Variants in KRABD1 observed in about 807,000 individuals in gnomAD.
KRABD1 encodes the protein KRAB domain-containing protein 1.
At chr3:42,937,771 C>T in the KRABD1 span, 1 of 152,216 alleles carries the variant, frequency 6.6e-6, no homozygotes, top group African/African-American at 2.4e-5. Context: ...CCTTCAGCTT[C>T]CTCTACCTTC....
At chr3:42,938,328 T>G in the KRABD1 span, 3 of 152,246 alleles carry the variant, frequency 2.0e-5, no homozygotes, top group African/African-American at 7.2e-5. Context: ...TTCTGATAAC[T>G]ATTTTCAAAG....
chr3:42,936,913 G>T, the KRABD1 span: 1 of 152,058 alleles, frequency 6.6e-6, no homozygotes, highest in Non-Finnish European at 1.5e-5. Context: ...TGTTACTGTC[G>T]TAGAGCAACC....
chr3:42,938,600 A>G, the KRABD1 span: 1 of 297,158 alleles, frequency 3.4e-6, no homozygotes, highest in South Asian at 5.6e-5. Flanking sequence ...CTGTCCTGTG[A>G]TGTATTCTAT....
the KRABD1 span, chr3:42,939,076 A>G: frequency 1.8e-6 from 1 of 567,148 alleles, no homozygotes; most frequent in Non-Finnish European, 3.0e-6. Flanking sequence ...ACACACACAC[A>G]TTTCTCATTG....
the KRABD1 span, chr3:42,938,833 T>C: frequency 1.0e-5 from 13 of 1,244,646 alleles, no homozygotes; most frequent in Middle Eastern, 5.6e-4. Context: ...GTTAATGTTT[T>C]TTTTCTTTAC....
the KRABD1 span, among the ~76,000 whole-genome samples, chr3:42,940,069 C>T: frequency 7.2e-5 from 11 of 152,184 alleles, no homozygotes; most frequent in African/African-American, 2.7e-4. Flanking sequence ...ACTCAGACAT[C>T]ATCAAGATGT....
chr3:42,941,137 T>C, the KRABD1 span: 1 of 1,297,298 alleles, frequency 7.7e-7, no homozygotes. Flanking sequence ...TACGTATCAT[T>C]TGTAGATGCC....
the KRABD1 span, chr3:42,936,559 G>GC: frequency 2.0e-5 from 3 of 152,308 alleles, no homozygotes; most frequent in Non-Finnish European, 4.4e-5. Flanking sequence ...GCTCTGTAGC[G>GC]TCGAGATGCG....
chr3:42,942,014 T>C, the KRABD1 span: 1 of 1,535,998 alleles, frequency 6.5e-7, no homozygotes, highest in Non-Finnish European at 8.7e-7. Flanking sequence ...GAAAGAGTCC[T>C]GTTTCACCCA....
At chr3:42,938,971 G>A in the KRABD1 span, 1 of 1,457,074 alleles carries the variant, frequency 6.9e-7, no homozygotes, top group Middle Eastern at 1.7e-4. Flanking sequence ...ATCCCTGTGT[G>A]TATATACATA....
the KRABD1 span, among the ~76,000 whole-genome samples, chr3:42,940,849 A>C: frequency 6.6e-6 from 1 of 152,168 alleles, no homozygotes; most frequent in Non-Finnish European, 1.5e-5. Flanking sequence ...GATATATACA[A>C]ATTAGGGAGG....
At chr3:42,937,950 T>G in the KRABD1 span, 1 of 152,234 alleles carries the variant, frequency 6.6e-6, no homozygotes, top group Non-Finnish European at 1.5e-5. Context: ...TATGCACTTT[T>G]ATGTGTTTGT....
the KRABD1 span, among the ~76,000 whole-genome samples, chr3:42,940,665 C>A: frequency 2.0e-5 from 3 of 152,144 alleles, no homozygotes; most frequent in Non-Finnish European, 4.4e-5. Flanking sequence ...TATTTTCCTG[C>A]GTTTCTCTAA....
the KRABD1 span, chr3:42,937,230 C>T: frequency 5.3e-5 from 8 of 152,292 alleles, no homozygotes; most frequent in African/African-American, 1.9e-4. Flanking sequence ...TTCGATGTCC[C>T]TGCCATTAGT....
chr3:42,938,817 A>G, the KRABD1 span: 5 of 1,008,234 alleles, frequency 5.0e-6, no homozygotes, highest in Non-Finnish European at 5.9e-6. Context: ...CAATAAAGTT[A>G]TTATCGTTAA....
the KRABD1 span, chr3:42,942,519 T>C: frequency 3.7e-5 from 27 of 722,542 alleles, no homozygotes; most frequent in Middle Eastern, 3.0e-4. Flanking sequence ...ACAGTTGTTA[T>C]GATTTTCCTC....
the KRABD1 span, chr3:42,937,043 CG>C: frequency 6.6e-6 from 1 of 152,180 alleles, no homozygotes; most frequent in Non-Finnish European, 1.5e-5. Flanking sequence ...AAAGACTGAT[CG>C]TATCCGTCAT....
chr3:42,939,050 A>G, the KRABD1 span: 8 of 695,598 alleles, frequency 1.2e-5, no homozygotes, highest in Admixed American at 7.9e-5. Flanking sequence ...ATACTTTTAT[A>G]TATGTGTGTA....
the KRABD1 span, among the ~76,000 whole-genome samples, chr3:42,941,506 A>G: frequency 1.3e-5 from 2 of 152,122 alleles, no homozygotes; most frequent in South Asian, 2.1e-4. Flanking sequence ...TTCTTTTTCT[A>G]GCGTAAAAGC....
Sources: allele counts gnomAD v4.1 joint callset (sites outside exome capture counted in the v4.1 genomes callset), GRCh38; gene constraint gnomAD v4.1.1; transcripts MANE v1.5; gene names NCBI Gene and HGNC (gene_info 2026-07-23, HGNC 2026-07-21).